RIMS2: variants seen among roughly 807,000 people sequenced by gnomAD.
RIMS2 encodes the protein regulating synaptic membrane exocytosis protein 2.
Under a neutral mutation model 174.4 loss-of-function variants are expected in RIMS2, and 59 were observed. The ratio of observed to expected loss-of-function variants is 0.34; its 90% CI spans 0.27 to 0.42. The LOEUF is 0.42. RIMS2 is among the 10% of genes least tolerant of loss of function. The probability of loss-of-function intolerance (pLI) is 1.00; values close to 1 mark genes in which losing one functional copy is unlikely to be tolerated. For missense variants in RIMS2, 1,620 were observed against 1,666.3 expected, an observed-to-expected ratio of 0.97 and a Z score of 0.48; for synonymous variants, 606 against 572.5, an observed-to-expected ratio of 1.06 and a Z score of -0.84.
At chr8:103,723,466 C>G (rs527429214) in intron 2 of RIMS2, among the ~76,000 whole-genome samples, 40 of 152,298 alleles carry the variant, frequency 2.6e-4, no homozygotes, top group African/African-American at 9.1e-4. Context: ...GGCTTGGTAC[C>G]TGGGTCAGTG....
At chr8:104,005,786 A>G (rs900039471) in intron 17 of RIMS2, among the ~76,000 whole-genome samples, 30 of 152,216 alleles carry the variant, frequency 2.0e-4, no homozygotes, top group African/African-American at 6.5e-4. Context: ...GAGGGCTGCT[A>G]TGAAGTTTGA....
chr8:104,223,268 C>A, intron 19 of RIMS2: 2 of 690,170 alleles, frequency 2.9e-6, no homozygotes, highest in Non-Finnish European at 3.6e-6. Context: ...CCACCTCCCC[C>A]TCCGGCCGCT....
At chr8:103,678,062 C>G (rs762520746) in intron 1 of RIMS2, among the ~76,000 whole-genome samples, 1 of 152,108 alleles carries the variant, frequency 6.6e-6, no homozygotes, top group Non-Finnish European at 1.5e-5. Flanking sequence ...ACCTTTAGGA[C>G]AAACTTATAA....
chr8:104,131,853 G>A (rs2098476595), intron 19 of RIMS2, among the ~76,000 whole-genome samples: 1 of 152,080 alleles, frequency 6.6e-6, no homozygotes, highest in African/African-American at 2.4e-5. Flanking sequence ...TATGTAAACT[G>A]GATTGATTTA....
intron 3 of RIMS2, among the ~76,000 whole-genome samples, chr8:103,789,024 A>T (rs1423525142): frequency 6.6e-6 from 1 of 152,006 alleles, no homozygotes; most frequent in Non-Finnish European, 1.5e-5. Flanking sequence ...GGTGGGAGTG[A>T]CCCGATTTTC....
In RIMS2 at chr8:104,174,600, C is replaced by T. The variant is rs568719764; in HGVS notation, c.3335-70316C>T. On this transcript the variant is annotated intron_variant, in intron 19 of 23. Transcript: ENST00000504942. ...TTCTTGGTACTTTGCAAAGCACTTT[C>T]TAGTTTATTAACTTTTTTAAACCCC... is the stretch of plus-strand genomic sequence containing the variant. Among the ~76,000 whole-genome samples, 27 of 152,208 alleles carry T rather than the reference C, an allele frequency of 1.8e-4. No homozygotes were observed. The South Asian group carries it at 5.4e-3, about 30-fold the overall frequency.
chr8:104,200,081 T>G (rs2099046785), intron 19 of RIMS2, among the ~76,000 whole-genome samples: 1 of 152,144 alleles, frequency 6.6e-6, no homozygotes, highest in African/African-American at 2.4e-5. Context: ...GATATAGGAA[T>G]GGTCAGGGCA....
At chr8:104,028,487 G>A (rs1256013453) in intron 19 of RIMS2, among the ~76,000 whole-genome samples, 1 of 151,972 alleles carries the variant, frequency 6.6e-6, no homozygotes, top group African/African-American at 2.4e-5. Flanking sequence ...TTAATTACAT[G>A]CCATTTTAAT....
chr8:103,781,982 C>T (rs1043994846), intron 3 of RIMS2, among the ~76,000 whole-genome samples: 21 of 151,496 alleles, frequency 1.4e-4, no homozygotes, highest in East Asian at 1.4e-3. Flanking sequence ...TCCTGACCTC[C>T]GGTGATCCGC....
At chr8:104,056,074 A>G (rs906021652) in intron 19 of RIMS2, among the ~76,000 whole-genome samples, 1 of 152,210 alleles carries the variant, frequency 6.6e-6, no homozygotes, top group African/African-American at 2.4e-5. Flanking sequence ...ATATGATAAT[A>G]TAAAACAAAA....
intron 19 of RIMS2, among the ~76,000 whole-genome samples, chr8:104,190,503 C>T (rs745386315): frequency 6.6e-6 from 1 of 151,940 alleles, no homozygotes; most frequent in Admixed American, 6.6e-5. Flanking sequence ...AAGAAAGTTC[C>T]GGTGTCTTGC....
intron 19 of RIMS2, among the ~76,000 whole-genome samples, chr8:104,144,345 C>A (rs549031735): frequency 5.3e-5 from 8 of 152,068 alleles, no homozygotes; most frequent in Admixed American, 1.3e-4. Context: ...TTTTCTAGAA[C>A]CGAACACCCT....
At chr8:103,596,895 T>A (rs1238337537) in intron 1 of RIMS2, among the ~76,000 whole-genome samples, 1 of 152,118 alleles carries the variant, frequency 6.6e-6, no homozygotes, top group African/African-American at 2.4e-5. Context: ...TGCTGAGCTC[T>A]ATTGGAAATA....
chr8:103,887,185 T>C (rs1249028867), intron 4 of RIMS2, among the ~76,000 whole-genome samples: 1 of 151,798 alleles, frequency 6.6e-6, no homozygotes, highest in Non-Finnish European at 1.5e-5. Context: ...TTTATATGTT[T>C]ATCTGCATTT....
At chr8:103,925,896 G>A (rs892753075) in intron 10 of RIMS2, among the ~76,000 whole-genome samples, 1 of 151,486 alleles carries the variant, frequency 6.6e-6, no homozygotes, top group Non-Finnish European at 1.5e-5. Context: ...ATAGTCAGTT[G>A]TATGTTTTGT....
intron 3 of RIMS2, among the ~76,000 whole-genome samples, chr8:103,786,819 G>A (rs543800097): frequency 3.9e-5 from 6 of 152,120 alleles, no homozygotes; most frequent in Non-Finnish European, 8.8e-5. Flanking sequence ...CAATTCCTGG[G>A]TATCCTTTTT....
chr8:104,157,782 G>A (rs2098733754), intron 19 of RIMS2, among the ~76,000 whole-genome samples: 1 of 152,052 alleles, frequency 6.6e-6, no homozygotes, highest in Non-Finnish European at 1.5e-5. Flanking sequence ...CTATGTATAT[G>A]GGGGTACAAA....
chr8:103,800,654 TCAAC>T (rs1315614143), intron 3 of RIMS2, among the ~76,000 whole-genome samples: 2 of 152,220 alleles, frequency 1.3e-5, no homozygotes, highest in Non-Finnish European at 2.9e-5. Flanking sequence ...AAATGCTGCA[TCAAC>T]CTTGCATTTC....
intron 19 of RIMS2, among the ~76,000 whole-genome samples, chr8:104,062,315 A>G (rs1358402392): frequency 6.6e-6 from 1 of 152,122 alleles, no homozygotes; most frequent in East Asian, 1.9e-4. Flanking sequence ...GAGGCAGGAG[A>G]ATTGCTTCAA....
Sources: gnomAD v4.1 joint callset for allele counts (sites outside exome capture counted in the v4.1 genomes callset) on GRCh38, gnomAD v4.1.1 for gene constraint, MANE v1.5 for transcripts, NCBI Gene and HGNC (gene_info 2026-07-23, HGNC 2026-07-21) for gene names.